Variants in RDX observed in about 807,000 individuals in gnomAD.
RDX encodes radixin.
Under a neutral mutation model 83.7 loss-of-function variants are expected in RDX, and 32 were observed. The observed-to-expected ratio is 0.38, with a 90% confidence interval of 0.29 to 0.51. The LOEUF (loss-of-function observed/expected upper bound fraction) is 0.51, where lower values mean the gene tolerates loss of function less well. Among genes scored for constraint, RDX ranks in the 20% least tolerant of loss-of-function variants. RDX has a pLI of 0.87. For missense variants in RDX, 600 were observed against 689.9 expected, an observed-to-expected ratio of 0.87 and a Z score of 1.46; for synonymous variants, 229 against 222.7, an observed-to-expected ratio of 1.03 and a Z score of -0.25.
intron 15 of RDX, among the ~76,000 whole-genome samples, chr11:110,180,826 T>C (rs1487574882): frequency 6.6e-5 from 10 of 152,050 alleles, no homozygotes; most frequent in Admixed American, 2.0e-4. Context: ...AAACATCACC[T>C]TCTCAGTGAA....
At chr11:110,243,581 G>C (rs1456223364) in intron 10 of RDX, among the ~76,000 whole-genome samples, 1 of 152,124 alleles carries the variant, frequency 6.6e-6, no homozygotes, top group Non-Finnish European at 1.5e-5. Context: ...AGCCGAGCGT[G>C]GTGGTGCACA....
At chr11:110,252,203 G>A (rs1859365284) in intron 9 of RDX, among the ~76,000 whole-genome samples, 2 of 152,158 alleles carry the variant, frequency 1.3e-5, no homozygotes, top group South Asian at 4.1e-4. Context: ...GCTTACTAAT[G>A]AAGAGCTCTA....
chr11:110,216,239 G>A (rs191223935), intron 14 of RDX, among the ~76,000 whole-genome samples: 1 of 152,248 alleles, frequency 6.6e-6, no homozygotes, highest in African/African-American at 2.4e-5. Flanking sequence ...ATGAACAAGT[G>A]AAGCTCTTTC....
intron 14 of RDX, among the ~76,000 whole-genome samples, chr11:110,219,122 T>C (rs1354078502): frequency 6.6e-6 from 1 of 152,074 alleles, no homozygotes; most frequent in East Asian, 1.9e-4. Flanking sequence ...TTAAATAGGG[T>C]TGTAAAAGGC....
At chr11:110,211,567 TG>T in intron 14 of RDX, among the ~76,000 whole-genome samples, 1 of 151,470 alleles carries the variant, frequency 6.6e-6, no homozygotes, top group East Asian at 1.9e-4. Flanking sequence ...ATTCCAAAAT[TG>T]ACCACATACT....
At chr11:110,178,064 C>A (rs1446690940) in intron 15 of RDX, among the ~76,000 whole-genome samples, 3 of 152,154 alleles carry the variant, frequency 2.0e-5, no homozygotes, top group Non-Finnish European at 4.4e-5. Flanking sequence ...GGCCTCTAGA[C>A]CCCTGGCCCG....
At chr11:110,243,803 T>G (rs1037717837) in intron 10 of RDX, among the ~76,000 whole-genome samples, 1 of 151,622 alleles carries the variant, frequency 6.6e-6, no homozygotes, top group Admixed American at 6.6e-5. Context: ...AGATATGCAA[T>G]AAAAACTATA....
chr11:110,257,714 G>T, intron 7 of RDX, 53 bp downstream of exon 7: 1 of 1,578,682 alleles, frequency 6.3e-7, no homozygotes, highest in Non-Finnish European at 8.7e-7. Context: ...TAAGATTAAC[G>T]TCATTTAGAC....
chr11:110,176,141 A>C (rs1862769850), intron 15 of RDX, among the ~76,000 whole-genome samples: 1 of 147,724 alleles, frequency 6.8e-6, no homozygotes, highest in Admixed American at 6.9e-5. Context: ...GCTGGAGTGC[A>C]GTGGCGTGAC....
intron 14 of RDX, among the ~76,000 whole-genome samples, chr11:110,212,079 G>C (rs1338937501): frequency 1.4e-5 from 2 of 138,898 alleles, no homozygotes; most frequent in Non-Finnish European, 3.1e-5. Context: ...AAAATTGATA[G>C]ACCGCTAGCA....
At chr11:110,189,242 G>GAAAAAAAAAAAAAAAAAA (rs1565282257) in intron 15 of RDX, among the ~76,000 whole-genome samples, 3 of 37,998 alleles carry the variant, frequency 7.9e-5, no homozygotes, top group African/African-American at 2.5e-4. Context: ...TGAACAACAG[G>GAAAAAAAAAAAAAAAAAA]TAAAAAAAAA....
chr11:110,259,241 TAC>T (rs1327950237), intron 5 of RDX, among the ~76,000 whole-genome samples: 1 of 152,154 alleles, frequency 6.6e-6, no homozygotes, highest in Non-Finnish European at 1.5e-5. Context: ...CCCAGCCAAA[TAC>T]AAACATTATA....
At chr11:110,218,200 G>A (rs1009491634) in intron 14 of RDX, among the ~76,000 whole-genome samples, 6 of 152,136 alleles carry the variant, frequency 3.9e-5, no homozygotes, top group African/African-American at 1.4e-4. Flanking sequence ...GCATTTTCTT[G>A]TTCTTGTTAT....
intron 14 of RDX, among the ~76,000 whole-genome samples, chr11:110,202,587 T>TTTTC (rs1160732871): frequency 6.6e-6 from 1 of 150,984 alleles, no homozygotes; most frequent in Admixed American, 6.6e-5. Context: ...CCTGGCTAAT[T>TTTTC]TTTCTTTCTT....
At chr11:110,236,941 A>G (rs1295695105) in intron 11 of RDX, among the ~76,000 whole-genome samples, 1 of 152,090 alleles carries the variant, frequency 6.6e-6, no homozygotes, top group African/African-American at 2.4e-5. Context: ...TTTCAAAGGG[A>G]GGGAACTGAG....
intron 10 of RDX, among the ~76,000 whole-genome samples, chr11:110,244,200 A>G (rs1014349438): frequency 1.3e-5 from 2 of 151,900 alleles, no homozygotes; most frequent in Non-Finnish European, 2.9e-5. Context: ...CGTCTCTACT[A>G]AAAATATAAA....
chr11:110,295,983 G>A (rs1006636660), intron 1 of RDX, among the ~76,000 whole-genome samples: 1 of 152,262 alleles, frequency 6.6e-6, no homozygotes, highest in Non-Finnish European at 1.5e-5. Context: ...TCAAACTGGA[G>A]GCCGGGGAAC....
At position 110,177,835 on chromosome 11, in the gene RDX, C is replaced by T. The variant is rs142899160; in HGVS notation, c.*32-2601G>A. On this transcript the variant is annotated intron_variant, in intron 15 of 15. Coordinates refer to the RDX transcript ENST00000528498. ...TCCCTATCCAGTCTCCCTACTGCTC[C>T]ACCCTGCCTCAAATCCTTCTAACCT... 7.3e-4 allele frequency among the ~76,000 whole-genome samples: 111 copies of T among 152,280 alleles called. No individual in the cohort carries two copies. In the East Asian group the frequency reaches 0.021, roughly 29 times the overall value.
rs1864568289 is a variant in RDX at position 110,230,170 on chromosome 11, G to A, written c.*1699C>T. ...TTCAGACACAACTTGAATCTACTGT[G>A]CATGAAAATGTTTAATAAAATGGCA... On this transcript the variant is annotated 3_prime_UTR_variant, in exon 14 of 14. Transcript: ENST00000645495. 6.6e-6 allele frequency: 1 copy of A among 152,258 alleles called. No individual in the cohort carries two copies. The highest frequency in any genetic ancestry group is 1.9e-4 in the East Asian group (1 of 5,190). The allele number at this position is 152,258 out of a possible 1,614,324, so 9.4% of individuals were successfully genotyped here.
Sources: allele counts gnomAD v4.1 joint callset (sites outside exome capture counted in the v4.1 genomes callset), GRCh38; gene constraint gnomAD v4.1.1; transcripts MANE v1.5; gene names NCBI Gene and HGNC (gene_info 2026-07-23, HGNC 2026-07-21).